Variants in SLC36A3 observed in about 807,000 individuals in gnomAD.
The protein encoded by SLC36A3 is solute carrier family 36 member 3.
Under a neutral mutation model 44.3 loss-of-function variants are expected in SLC36A3, and 35 were observed. The ratio of observed to expected loss-of-function variants is 0.79; its 90% CI spans 0.60 to 1.05. The LOEUF is 1.05. SLC36A3 is among the 50% of genes least tolerant of loss of function. The pLI is 0.00. For missense variants in SLC36A3, 540 were observed against 578.7 expected, an observed-to-expected ratio of 0.93 and a Z score of 0.69; for synonymous variants, 211 against 227.6, an observed-to-expected ratio of 0.93 and a Z score of 0.66.
In SLC36A3 at chr5:151,288,471, C is replaced by T. The variant is rs759356959; in HGVS notation, c.405-1G>A. ...GACTAATAAGAAGCTGACAGTGTACCTGGGAAGGAAAGGAAGAGGCAGACA... is the reference window on the plus strand; with the variant it reads ...GACTAATAAGAAGCTGACAGTGTACTTGGGAAGGAAAGGAAGAGGCAGACA... On this transcript the variant is annotated splice_acceptor_variant, in intron 4 of 9. Coordinates refer to ENST00000335230, the MANE Select transcript of SLC36A3 (RefSeq NM_181774.4). LOFTEE classifies it high-confidence loss of function. 2 of 1,549,268 alleles carry T rather than the reference C, an allele frequency of 1.3e-6. No individual in the cohort carries two copies. The highest frequency in any genetic ancestry group is 1.7e-6 in the Non-Finnish European group (2 of 1,145,438).
chr5:151,298,772 G>T, intron 1 of SLC36A3, 89 bp from the exon 2 acceptor site: 1 of 1,352,146 alleles, frequency 7.4e-7, no homozygotes. Context: ...CATCTCCAGA[G>T]CGCCTGATAG....
intron 9 of SLC36A3, among the ~76,000 whole-genome samples, chr5:151,280,327 G>A (rs1169578041): frequency 5.9e-5 from 9 of 152,074 alleles, no homozygotes; most frequent in Non-Finnish European, 1.2e-4. Context: ...GGTGGCAGGT[G>A]CCTGTAATCC....
intron 8 of SLC36A3, 110 bp downstream of exon 8, chr5:151,283,934 C>G (rs1754428723): frequency 7.4e-7 from 1 of 1,351,540 alleles, no homozygotes; most frequent in Admixed American, 2.6e-5. Context: ...TATGTCACTT[C>G]CAGTGATGGA....
At chr5:151,296,330 T>C in intron 2 of SLC36A3, 62 bp from the exon 3 acceptor site, 1 of 1,423,282 alleles carries the variant, frequency 7.0e-7, no homozygotes. Flanking sequence ...TCCCTGGCCC[T>C]CTCACAGTCT....
At chr5:151,278,952 A>G (rs1279036088) in intron 9 of SLC36A3, among the ~76,000 whole-genome samples, 24 of 152,240 alleles carry the variant, frequency 1.6e-4, no homozygotes, top group Non-Finnish European at 5.9e-5. Context: ...TCCTCTGCTC[A>G]GTGCCTTTCC....
At chr5:151,282,886 C>CTTTCT (rs112219004) in intron 8 of SLC36A3, among the ~76,000 whole-genome samples, 10 of 142,656 alleles carry the variant, frequency 7.0e-5, no homozygotes, top group African/African-American at 2.6e-4. Context: ...TTCTTTCTTT[C>CTTTCT]TTTTTTTTTT....
In SLC36A3 at chr5:151,283,922, C is replaced by T. The variant is rs114946340; in HGVS notation, c.974+122G>A. ...ACTGATGCAGTGTGAGCAGGAGAGA[C>T]ATATGTCACTTCCAGTGATGGATTA... is the stretch of plus-strand genomic sequence containing the variant. On this transcript the variant is annotated intron_variant, in intron 8 of 9. Transcript: ENST00000335230. The T allele has an allele frequency of 6.8e-3, 8,544 of 1,254,268 alleles. 49 individuals are homozygous for T. Among genetic ancestry groups the T allele is most frequent in the Non-Finnish European group, 8.3e-3 (7,599 of 920,628 alleles). 77.7% of individuals were successfully genotyped at this position (1,254,268 alleles called of 1,614,324 possible).
In SLC36A3 at chr5:151,295,597, C is replaced by T. The variant is rs371220426; in HGVS notation, c.308+583G>A. Among the ~76,000 whole-genome samples the T allele has an allele frequency of 1.1e-4, 17 of 152,308 alleles. No homozygotes were observed. In the East Asian group the frequency reaches 2.1e-3, roughly 19 times the overall value. The stretch of plus-strand genomic sequence containing the variant: ...TTTGCATGCCTTGGGAGTAGCTGAG[C>T]GCTGTGGATCTCTGCATTCTTTGTT... On this transcript the variant is annotated intron_variant, in intron 3 of 9. Coordinates refer to ENST00000335230, the MANE Select transcript of SLC36A3 (RefSeq NM_181774.4).
chr5:151,300,946 T>C (rs571062407), intron 1 of SLC36A3, among the ~76,000 whole-genome samples: 1 of 152,262 alleles, frequency 6.6e-6, no homozygotes, highest in Non-Finnish European at 1.5e-5. Flanking sequence ...ACACTTTCCA[T>C]GTCCATACAT....
chr5:151,286,487 T>A (rs1454255913), intron 6 of SLC36A3, among the ~76,000 whole-genome samples: 1 of 152,022 alleles, frequency 6.6e-6, no homozygotes, highest in Non-Finnish European at 1.5e-5. Flanking sequence ...GAGGCAGGAT[T>A]TTGCTATGTT....
chr5:151,278,671 A>G (rs1423519121), intron 9 of SLC36A3, among the ~76,000 whole-genome samples: 1 of 152,212 alleles, frequency 6.6e-6, no homozygotes, highest in Non-Finnish European at 1.5e-5. Context: ...CTTTAAAAAA[A>G]TCACCTCTTT....
Position 151,284,053 on chromosome 5 carries a change from G to A in SLC36A3, c.965C>T (p.Pro322Leu). ...DTQASITLNL[P>L]NCWLYQSVKL... ...GGTGGGCAGGACATACCAGCAATTG[G>A]GCAAGTTGAGGGTGATGCTGGCCTG... Residue 322 changes from proline to leucine, a missense_variant, in exon 8 of 10, where the codon CCC (proline) becomes CTC (leucine). Physicochemically the swap from Pro to Leu is moderately conservative, Grantham distance 98. Coordinates refer to ENST00000335230, the MANE Select transcript of SLC36A3 (RefSeq NM_181774.4). 1 of 1,610,440 alleles carries A rather than the reference G, an allele frequency of 6.2e-7. No individual in the cohort carries two copies. Among genetic ancestry groups the A allele is most frequent in the Non-Finnish European group, 8.5e-7 (1 of 1,178,706 alleles).
At chr5:151,295,896 T>G (rs1324318907) in intron 3 of SLC36A3, among the ~76,000 whole-genome samples, 1 of 152,240 alleles carries the variant, frequency 6.6e-6, no homozygotes, top group Non-Finnish European at 1.5e-5. Context: ...TATATAGTGC[T>G]TTTGCATCTT....
chr5:151,282,224 A>C (rs1754352042), intron 8 of SLC36A3, among the ~76,000 whole-genome samples: 1 of 148,092 alleles, frequency 6.8e-6, no homozygotes, highest in Non-Finnish European at 1.5e-5. Context: ...GAAGCGATGC[A>C]ACGGTACGAT....
rs975038180 is a variant in SLC36A3 at position 151,277,198 on chromosome 5, A to C, written c.*195T>G. ...GTTCAGAGGTACAAAAGGCCATCCA[A>C]AAAATATAAAACCAAAAGAGGTGTA... On this transcript the variant is annotated 3_prime_UTR_variant, in exon 10 of 10. Coordinates refer to ENST00000335230, the MANE Select transcript of SLC36A3 (RefSeq NM_181774.4). 17 of 733,432 alleles carry C rather than the reference A, an allele frequency of 2.3e-5. No homozygotes were observed. The highest frequency in any genetic ancestry group is 3.6e-5 in the Non-Finnish European group (17 of 470,478). 45.4% of individuals were successfully genotyped at this position (733,432 alleles called of 1,614,324 possible). A position where few individuals can be genotyped will look rare whatever the true frequency, so the allele number is the denominator to read the frequency against.
chr5:151,288,706 A>ATATATATAATATATATG (rs1246488332), intron 4 of SLC36A3, among the ~76,000 whole-genome samples: 2 of 151,182 alleles, frequency 1.3e-5, no homozygotes, highest in Non-Finnish European at 2.9e-5. Flanking sequence ...TGCATTACAT[A>ATATATATAATATATATG]TATATATAAT....
intron 3 of SLC36A3, among the ~76,000 whole-genome samples, chr5:151,295,109 G>A (rs1754916691): frequency 6.6e-6 from 1 of 152,116 alleles, no homozygotes; most frequent in Non-Finnish European, 1.5e-5. Flanking sequence ...ATGGCCTGAT[G>A]TCAGAAGCTT....
At chr5:151,290,594 C>T (rs543888901) in intron 4 of SLC36A3, among the ~76,000 whole-genome samples, 22 of 152,242 alleles carry the variant, frequency 1.4e-4, no homozygotes, top group African/African-American at 4.8e-4. Context: ...AGTTATTTCA[C>T]CTGTAAATAA....
chr5:151,287,196 G>T (rs1457305458), intron 6 of SLC36A3, 50 bp downstream of exon 6: 1 of 1,583,472 alleles, frequency 6.3e-7, no homozygotes, highest in Non-Finnish European at 8.7e-7. Flanking sequence ...CTCCTCCCCA[G>T]GTGTTTCAGA....
Sources: gnomAD v4.1 joint callset for allele counts (sites outside exome capture counted in the v4.1 genomes callset) on GRCh38, gnomAD v4.1.1 for gene constraint, MANE v1.5 for transcripts, NCBI Gene and HGNC (gene_info 2026-07-23, HGNC 2026-07-21) for gene names.